The following NUP98 variants were observed in gnomAD, a reference collection of about 807,000 sequenced individuals.
NUP98 encodes the protein nucleoporin 98 and 96 precursor.
Under a neutral mutation model 191.9 loss-of-function variants are expected in NUP98, and 26 were observed. The observed-to-expected ratio is 0.14, with a 90% CI of 0.10 to 0.19. NUP98 has a LOEUF of 0.19. NUP98 is among the 10% of genes least tolerant of loss of function. The pLI is 1.00. For synonymous variants in NUP98, 808 were observed against 778.4 expected (o/e 1.04, Z -0.63); for missense variants, 1,941 against 2,178.8 (o/e 0.89, Z 2.17).
In NUP98 at chr11:3,676,290, G is replaced by T. The variant is rs1210010471; in HGVS notation, c.5272C>A (p.Pro1758Thr). 1 of 1,614,060 alleles carries T rather than the reference G, an allele frequency of 6.2e-7. No homozygotes were observed. The highest frequency in any genetic ancestry group is 8.5e-7 in the Non-Finnish European group (1 of 1,180,030). ...PDRTSDSTPDPQRVPLRLLAP... is the reference protein window; with the variant it reads ...PDRTSDSTPDTQRVPLRLLAP... The stretch of plus-strand genomic sequence containing the variant: ...AAGAGGCGCAAAGGGACTCGCTGAG[G>T]GTCTGGTGTTGAGTCGGAGGTTCTA... Residue 1758 changes from proline (P) to threonine (T), a missense_variant, in exon 33 of 33, where the codon CCT becomes ACT. Around this residue, in one of 6 missense-constraint regions of NUP98, gnomAD observed 1,030 missense variants for 1,115.8 expected, o/e 0.92. Transcript: ENST00000324932.
At chr11:3,746,268 T>TC (rs2080493540) in intron 11 of NUP98, among the ~76,000 whole-genome samples, 1 of 10,992 alleles carries the variant, frequency 9.1e-5, no homozygotes, top group Non-Finnish European at 1.5e-4. Context: ...AAACTTTATC[T>TC]CAAAAAAAAA....
At chr11:3,697,640 C>T (rs61666484) in intron 25 of NUP98, among the ~76,000 whole-genome samples, 4 of 151,792 alleles carry the variant, frequency 2.6e-5, no homozygotes, top group African/African-American at 9.7e-5. Context: ...GAAACCCTGT[C>T]TCTACTAAAA....
At chr11:3,752,028 T>C (rs1328823655) in intron 11 of NUP98, among the ~76,000 whole-genome samples, 1 of 149,076 alleles carries the variant, frequency 6.7e-6, no homozygotes. Context: ...ATACAAAAAT[T>C]AGCTGGGTAC....
chr11:3,770,979 C>G (rs1411432265), intron 7 of NUP98, among the ~76,000 whole-genome samples: 1 of 152,166 alleles, frequency 6.6e-6, no homozygotes, highest in African/African-American at 2.4e-5. Context: ...TCTCCTGCCT[C>G]AGCCTCCCAA....
chr11:3,744,438 A>C (rs573527624), intron 12 of NUP98, 71 bp downstream of exon 12: 1 of 1,476,934 alleles, frequency 6.8e-7, no homozygotes, highest in East Asian at 2.3e-5. Flanking sequence ...GGACAGGTGT[A>C]GGATGGAAAA....
intron 1 of NUP98, among the ~76,000 whole-genome samples, chr11:3,782,755 G>C (rs2082015580): frequency 6.6e-6 from 1 of 151,676 alleles, no homozygotes; most frequent in South Asian, 2.1e-4. Flanking sequence ...TGTTGGCCAG[G>C]CTGGTCTTAA....
intron 27 of NUP98, 199 bp downstream of exon 27, chr11:3,693,033 G>A (rs1204234039): frequency 1.9e-6 from 1 of 537,174 alleles, no homozygotes; most frequent in African/African-American, 1.9e-5. Context: ...CTGATTTAGA[G>A]GCAGGAAAAC....
intron 4 of NUP98, 97 bp from the exon 5 acceptor site, chr11:3,776,118 TTCA>T: frequency 1.3e-6 from 1 of 797,004 alleles, no homozygotes; most frequent in Admixed American, 2.7e-5. Context: ...ATCACAGTAC[TTCA>T]TTTTTTTTTT....
intron 12 of NUP98, among the ~76,000 whole-genome samples, chr11:3,740,098 A>G (rs1244212478): frequency 2.0e-5 from 3 of 152,182 alleles, no homozygotes; most frequent in African/African-American, 7.2e-5. Context: ...CATGTTGTCC[A>G]AGGGTCTACT....
At chr11:3,740,646 A>G (rs1023826285) in intron 12 of NUP98, among the ~76,000 whole-genome samples, 18 of 152,198 alleles carry the variant, frequency 1.2e-4, no homozygotes, top group Admixed American at 8.5e-4. Flanking sequence ...AAGGGCAACT[A>G]CTGTGGTTAC....
At chr11:3,789,246 T>C (rs1191294733) in intron 1 of NUP98, among the ~76,000 whole-genome samples, 2 of 152,170 alleles carry the variant, frequency 1.3e-5, no homozygotes, top group Non-Finnish European at 2.9e-5. Context: ...GCATAATAAA[T>C]GTCCCCTCAC....
At chr11:3,784,571 G>A (rs1185103209) in intron 1 of NUP98, among the ~76,000 whole-genome samples, 1 of 137,146 alleles carries the variant, frequency 7.3e-6, no homozygotes, top group African/African-American at 2.8e-5. Context: ...GCAAGACTCT[G>A]TCTCTATTAA....
At chr11:3,720,975 A>AGTGTGTGT (rs55984201) in intron 16 of NUP98, 150 bp from the exon 17 acceptor site, 17,017 of 323,826 alleles carry the variant, frequency 0.053, 414 homozygotes, top group African/African-American at 0.077. Context: ...GGGGTGTGTG[A>AGTGTGTGT]GTGTGTGTGT....
chr11:3,723,089 T>C lies in NUP98; in HGVS notation c.2146+68A>G, dbSNP rs976789787. 12 of 1,445,918 alleles carry C rather than the reference T, an allele frequency of 8.3e-6. No homozygotes were observed. In the African/African-American group the frequency reaches 1.3e-4, roughly 15 times the overall value. 89.6% of individuals were successfully genotyped at this position (1,445,918 alleles called of 1,614,324 possible). On this transcript the variant is annotated intron_variant, in intron 16 of 32. Coordinates refer to ENST00000324932, the MANE Select transcript of NUP98 (RefSeq NM_016320.5). ...AAACAGCTGACTTCCATATGTTGAA[T>C]ATCTGCAACAAGCAAGTCATCTCGA...
chr11:3,781,343 A>G (rs2081960210), intron 2 of NUP98: 1 of 151,946 alleles, frequency 6.6e-6, no homozygotes, highest in Non-Finnish European at 1.5e-5. Flanking sequence ...AGTACATGAG[A>G]GTTCATTATA....
intron 25 of NUP98, among the ~76,000 whole-genome samples, chr11:3,697,899 G>A (rs574811141): frequency 2.0e-5 from 3 of 150,506 alleles, no homozygotes; most frequent in Non-Finnish European, 4.4e-5. Context: ...ATTAGTGAAA[G>A]GGAACTTAAA....
chr11:3,772,629 A>G (rs72855304), intron 6 of NUP98, among the ~76,000 whole-genome samples: 2,104 of 152,076 alleles, frequency 0.014, 21 homozygotes, highest in Non-Finnish European at 0.022. Context: ...AGCCCGGCCA[A>G]CGTAGCAAAA....
At chr11:3,706,768 T>A (rs2078873881) in intron 20 of NUP98, 141 bp from the exon 21 acceptor site, 1 of 757,192 alleles carries the variant, frequency 1.3e-6, no homozygotes, top group Non-Finnish European at 2.1e-6. Context: ...AGGTAGCAGA[T>A]TTGCTAGAGT....
chr11:3,703,583 TAAG>T (rs1182468260), intron 22 of NUP98, among the ~76,000 whole-genome samples: 1 of 152,142 alleles, frequency 6.6e-6, no homozygotes, highest in African/African-American at 2.4e-5. Flanking sequence ...TGAGCTCAGA[TAAG>T]TGACTTGTCC....
Sources: allele counts gnomAD v4.1 joint callset (sites outside exome capture counted in the v4.1 genomes callset), GRCh38; gene constraint gnomAD v4.1.1; regional missense constraint gnomAD v4.1.1; transcripts MANE v1.5; gene names NCBI Gene and HGNC (gene_info 2026-07-23, HGNC 2026-07-21).